The following SCN1A variants were observed in gnomAD, a reference collection of about 807,000 sequenced individuals.
SCN1A encodes sodium voltage-gated channel alpha subunit 1, also known as sodium channel protein type 1 subunit alpha.
SCN1A carries 13 observed loss-of-function variants against 193.7 expected under a neutral mutation model. That is an observed-to-expected ratio of 0.07 (90% confidence interval 0.04 to 0.11). The LOEUF is 0.11. Among genes scored for constraint, SCN1A ranks in the 10% least tolerant of loss-of-function variants. The pLI is 1.00. For synonymous variants in SCN1A, 781 were observed against 843.6 expected (o/e 0.93, Z 1.29); for missense variants, 1,432 against 2,451.1 (o/e 0.58, Z 8.78).
chr2:166,002,605 C>T lies in SCN1A; in HGVS notation c.4151G>A (p.Arg1384Lys). 6.2e-7 allele frequency: 1 copy of T among 1,611,940 alleles called. No homozygotes were observed. The highest frequency in any genetic ancestry group is 8.5e-7 in the Non-Finnish European group (1 of 1,178,754). The change falls in exon 24 of 29, where the codon AGG (arginine) becomes AAG (lysine). Residue 1384 changes from arginine (R) to lysine (K), a missense_variant. Physicochemically the swap from Arg to Lys is conservative, Grantham distance 26. Transcript: ENST00000674923. ...YHCINTTTGD[R>K]FDIEDVNNHT... The stretch of plus-strand genomic sequence containing the variant: ...ATTATTCACGTCTTCGATGTCAAAC[C>T]TGTCACCAGTTGTGGTGTTAATACA...
At chr2:166,110,880 G>C (rs1043525224) in intron 2 of SCN1A, among the ~76,000 whole-genome samples, 1 of 152,036 alleles carries the variant, frequency 6.6e-6, no homozygotes. Context: ...AGATCTGATG[G>C]TTTTATAAAG....
At chr2:166,103,535 G>A (rs1019465233) in intron 2 of SCN1A, among the ~76,000 whole-genome samples, 1 of 151,930 alleles carries the variant, frequency 6.6e-6, no homozygotes, top group Non-Finnish European at 1.5e-5. Context: ...GAGACACGGA[G>A]GAAGCACAGA....
chr2:166,033,466 C>CT (rs869067889), intron 19 of SCN1A, among the ~76,000 whole-genome samples: 6 of 66,542 alleles, frequency 9.0e-5, no homozygotes, highest in East Asian at 9.9e-4. Context: ...AATCCCAGCA[C>CT]TTTGGGAGGC....
upstream of SCN1A, among the ~76,000 whole-genome samples, chr2:166,132,703 CA>C (rs1691707773): frequency 1.3e-5 from 2 of 152,144 alleles, no homozygotes; most frequent in Admixed American, 1.3e-4. Context: ...CAACTGATTT[CA>C]AAATATCTTA....
In SCN1A at chr2:165,994,318, C is replaced by T. The variant is rs1014933161; in HGVS notation, c.4680G>A (p.Val1560=). The T allele has an allele frequency of 1.2e-5, 19 of 1,613,076 alleles. No individual in the cohort carries two copies. The highest frequency in any genetic ancestry group is 1.5e-5 in the Non-Finnish European group (18 of 1,179,454). ...CATATTCACTCTGGTCATCTGTTTC[C>T]ACCATCATTGTGACCATGTTAAGAC... ...LICLNMVTMM[V]ETDDQSEYVT... The change falls in exon 28 of 29, where the codon GTG becomes GTA. Residue 1560 remains valine, a synonymous_variant. Coordinates refer to ENST00000674923, the MANE Select transcript of SCN1A (RefSeq NM_001165963.4).
rs1052506764 is a variant in SCN1A at position 166,007,696 on chromosome 2, T to C, written c.4002+2023A>G. On this transcript the variant is annotated intron_variant, in intron 23 of 28. Coordinates refer to ENST00000674923, the MANE Select transcript of SCN1A (RefSeq NM_001165963.4). ...GCACTGTACAACATGCTTTATTCAG[T>C]AATGTTGCATAAAAGCACATGCTTT... 6.6e-6 allele frequency among the ~76,000 whole-genome samples: 1 copy of C among 151,414 alleles called. No homozygotes were observed. Among genetic ancestry groups the C allele is most frequent in the African/African-American group, 2.4e-5 (1 of 41,362 alleles).
intron 24 of SCN1A, among the ~76,000 whole-genome samples, chr2:166,002,070 T>C (rs1250044483): frequency 1.3e-5 from 2 of 151,556 alleles, no homozygotes; most frequent in African/African-American, 4.8e-5. Flanking sequence ...CAATTAGGTG[T>C]ATTAAGTGTA....
intron 2 of SCN1A, chr2:166,126,393 G>A (rs1691243462): frequency 6.6e-6 from 1 of 152,000 alleles, no homozygotes; most frequent in South Asian, 2.1e-4. Flanking sequence ...ACAGCTGAGG[G>A]AAAGAAGAAT....
At chr2:166,070,602 A>G (rs1055741945) in intron 4 of SCN1A, among the ~76,000 whole-genome samples, 2 of 152,110 alleles carry the variant, frequency 1.3e-5, no homozygotes, top group African/African-American at 4.8e-5. Flanking sequence ...CTCAGTTTTA[A>G]GATGTTTCTT....
intron 16 of SCN1A, among the ~76,000 whole-genome samples, chr2:166,040,560 T>C (rs980658391): frequency 5.9e-5 from 9 of 152,210 alleles, no homozygotes; most frequent in African/African-American, 2.2e-4. Flanking sequence ...TTACAGGAAA[T>C]GCATAAATTA....
At chr2:166,031,781 A>G (rs1213654644) in intron 19 of SCN1A, among the ~76,000 whole-genome samples, 1 of 152,066 alleles carries the variant, frequency 6.6e-6, no homozygotes. Flanking sequence ...TTATTATCTC[A>G]TTTAATACTC....
At chr2:166,068,943 T>C (rs1298274074) in intron 4 of SCN1A, among the ~76,000 whole-genome samples, 1 of 152,200 alleles carries the variant, frequency 6.6e-6, no homozygotes, top group African/African-American at 2.4e-5. Flanking sequence ...TAATGATTCG[T>C]CTGTAATTTT....
chr2:166,139,636 A>G (rs1022964506), intron 1 of SCN1A, among the ~76,000 whole-genome samples: 3 of 152,208 alleles, frequency 2.0e-5, no homozygotes, highest in Non-Finnish European at 2.9e-5. Flanking sequence ...GCTGATAAAG[A>G]CATACCTGAG....
chr2:166,029,510 T>C (rs777920672), intron 19 of SCN1A, among the ~76,000 whole-genome samples: 10 of 152,174 alleles, frequency 6.6e-5, no homozygotes, highest in Non-Finnish European at 1.5e-4. Context: ...TTAGAGACTA[T>C]GTGCTTAGGT....
chr2:166,120,638 G>T (rs1574594341), intron 2 of SCN1A, among the ~76,000 whole-genome samples: 2 of 97,976 alleles, frequency 2.0e-5, no homozygotes, highest in Admixed American at 1.8e-4. Flanking sequence ...ACAGAGTCTT[G>T]CTCTGTCATC....
At chr2:166,013,436 T>C (rs1692814917) in intron 21 of SCN1A, among the ~76,000 whole-genome samples, 1 of 151,582 alleles carries the variant, frequency 6.6e-6, no homozygotes, top group Admixed American at 6.6e-5. Flanking sequence ...AATAACTTTT[T>C]TTAATTAAAC....
chr2:166,051,254 G>A (rs1698523012), intron 9 of SCN1A, among the ~76,000 whole-genome samples: 1 of 151,872 alleles, frequency 6.6e-6, no homozygotes, highest in South Asian at 2.1e-4. Flanking sequence ...CATTGATAAG[G>A]TGATTAACAA....
intron 4 of SCN1A, chr2:166,071,979 A>C (rs1456305677): frequency 6.6e-6 from 1 of 152,146 alleles, no homozygotes; most frequent in East Asian, 1.9e-4. Flanking sequence ...AAGGCTAGTC[A>C]ACCTTTTGTG....
intron 23 of SCN1A, among the ~76,000 whole-genome samples, chr2:166,008,842 TA>T (rs148177066): frequency 0.023 from 3,490 of 150,924 alleles, 171 homozygotes; most frequent in Admixed American, 0.13. Context: ...GTTTTGATAA[TA>T]TTTTTTTTTA....
Sources: allele counts gnomAD v4.1 joint callset (sites outside exome capture counted in the v4.1 genomes callset), GRCh38; gene constraint gnomAD v4.1.1; transcripts MANE v1.5; gene names NCBI Gene and HGNC (gene_info 2026-07-23, HGNC 2026-07-21).